Variants in LARGE1 observed in about 807,000 individuals in gnomAD.
LARGE1 encodes LARGE xylosyl- and glucuronyltransferase 1, also known as xylosyl- and glucuronyltransferase LARGE1.
Under a neutral mutation model 87.6 loss-of-function variants are expected in LARGE1, and 43 were observed. The ratio of observed to expected loss-of-function variants is 0.49; its 90% CI spans 0.38 to 0.63. The LOEUF is 0.63. Ranked by LOEUF, LARGE1 falls within the 30% of genes least tolerant of loss-of-function variation. The pLI, the probability that LARGE1 is intolerant of heterozygous loss-of-function variation, is 0.00. For missense variants in LARGE1, 802 were observed against 1,000.2 expected, an observed-to-expected ratio of 0.80 and a Z score of 2.67; for synonymous variants, 434 against 394.6, an observed-to-expected ratio of 1.10 and a Z score of -1.18.
intron 1 of LARGE1, among the ~76,000 whole-genome samples, chr22:33,883,178 A>G (rs921472673): frequency 2.6e-5 from 4 of 152,162 alleles, no homozygotes; most frequent in Non-Finnish European, 5.9e-5. Flanking sequence ...GCAAAGGGCC[A>G]TGCACACACC....
chr22:33,485,307 A>G (rs544915828), intron 6 of LARGE1, among the ~76,000 whole-genome samples: 3 of 146,988 alleles, frequency 2.0e-5, no homozygotes, highest in African/African-American at 7.6e-5. Flanking sequence ...TCTGCCTCCC[A>G]GGTTCAAATA....
At chr22:33,108,375 A>G in the LARGE1 span, among the ~76,000 whole-genome samples, 3 of 152,202 alleles carry the variant, frequency 2.0e-5, no homozygotes, top group African/African-American at 7.2e-5. Context: ...AAGTTAGTGG[A>G]GAGCTCTCCC....
At chr22:33,634,363 G>A (rs892575956) in intron 3 of LARGE1, among the ~76,000 whole-genome samples, 3 of 152,136 alleles carry the variant, frequency 2.0e-5, no homozygotes, top group Non-Finnish European at 2.9e-5. Context: ...TGCTGCTGCC[G>A]GCCCAGGGAC....
chr22:33,495,701 A>G (rs1244589764), intron 6 of LARGE1, among the ~76,000 whole-genome samples: 1 of 152,234 alleles, frequency 6.6e-6, no homozygotes, highest in African/African-American at 2.4e-5. Context: ...CCTGAGTCAG[A>G]GTGAGACTCT....
intron 6 of LARGE1, among the ~76,000 whole-genome samples, chr22:33,439,004 A>G (rs2067372688): frequency 6.6e-6 from 1 of 152,122 alleles, no homozygotes; most frequent in African/African-American, 2.4e-5. Context: ...TGAAGTCAGG[A>G]GTTCAAGACC....
intron 7 of LARGE1, among the ~76,000 whole-genome samples, chr22:33,418,082 G>A (rs1440918808): frequency 6.6e-6 from 1 of 152,106 alleles, no homozygotes; most frequent in African/African-American, 2.4e-5. Flanking sequence ...CAAGTAGCTG[G>A]GACTACAGGC....
Position 33,384,263 on chromosome 22 carries a change from A to AT in LARGE1, c.933dup (p.Trp312MetfsTer23). ...GCGGTCAGCCTCCACATCTGCTCCCATTTCATCTTCCGCAGCTTATCCAGA... is the reference window on the plus strand; with the variant it reads ...GCGGTCAGCCTCCACATCTGCTCCCATTTTCATCTTCCGCAGCTTATCCAGA... On this transcript the variant is annotated frameshift_variant, in exon 8 of 15. Coordinates refer to ENST00000397394, the MANE Select transcript of LARGE1 (RefSeq NM_133642.5). LOFTEE classifies it high-confidence loss of function. The AT allele has an allele frequency of 6.2e-7, 1 of 1,614,104 alleles. No homozygotes were observed. The highest frequency in any genetic ancestry group is 8.5e-7 in the Non-Finnish European group (1 of 1,180,022).
At chr22:33,695,108 C>CTTTTTTTT (rs71320988) in intron 2 of LARGE1, among the ~76,000 whole-genome samples, 1 of 140,090 alleles carries the variant, frequency 7.1e-6, no homozygotes. Context: ...TTCTTTCTTT[C>CTTTTTTTT]TTTTTTTTTT....
intron 1 of LARGE1, among the ~76,000 whole-genome samples, chr22:33,873,852 C>A (rs2064380788): frequency 6.6e-6 from 1 of 151,978 alleles, no homozygotes; most frequent in African/African-American, 2.4e-5. Context: ...AAGCCAAGTA[C>A]AAGTCACTGG....
intron 11 of LARGE1, among the ~76,000 whole-genome samples, chr22:33,182,261 C>A (rs1258481636): frequency 6.6e-6 from 1 of 152,118 alleles, no homozygotes. Flanking sequence ...TATTAGGGTT[C>A]TACAGTCCCA....
At chr22:33,649,814 C>A (rs1034876957) in intron 3 of LARGE1, among the ~76,000 whole-genome samples, 1 of 152,234 alleles carries the variant, frequency 6.6e-6, no homozygotes, top group African/African-American at 2.4e-5. Context: ...AAATATCCCA[C>A]ATTTCCAAAG....
chr22:33,290,762 G>C (rs988377511), intron 12 of LARGE1, among the ~76,000 whole-genome samples: 6 of 152,190 alleles, frequency 3.9e-5, no homozygotes, highest in African/African-American at 1.4e-4. Context: ...TTCCCAGCTA[G>C]GCGCGGTGGC....
intron 5 of LARGE1, among the ~76,000 whole-genome samples, chr22:33,584,403 T>A (rs1340738791): frequency 1.3e-5 from 2 of 152,314 alleles, no homozygotes; most frequent in East Asian, 3.9e-4. Context: ...TTCCCCTTTT[T>A]CTGTGAAGTC....
chr22:33,864,091 A>G (rs2064015194), intron 1 of LARGE1, among the ~76,000 whole-genome samples: 1 of 152,158 alleles, frequency 6.6e-6, no homozygotes, highest in South Asian at 2.1e-4. Context: ...AATGGTTTGT[A>G]CAGAACCTAC....
intron 2 of LARGE1, among the ~76,000 whole-genome samples, chr22:33,666,275 A>G (rs2149249483): frequency 6.6e-6 from 1 of 152,362 alleles, no homozygotes; most frequent in South Asian, 2.1e-4. Flanking sequence ...AGGCTGATAA[A>G]GCAGCCCAAG....
At chr22:33,229,408 G>GGGAGT (rs1343830114) in intron 11 of LARGE1, among the ~76,000 whole-genome samples, 1 of 151,414 alleles carries the variant, frequency 6.6e-6, no homozygotes, top group Non-Finnish European at 1.5e-5. Flanking sequence ...GAGACAAAAA[G>GGGAGT]ACAAAACAGA....
At chr22:33,472,320 AAG>A (rs1325553518) in intron 6 of LARGE1, among the ~76,000 whole-genome samples, 1 of 152,216 alleles carries the variant, frequency 6.6e-6, no homozygotes, top group Admixed American at 6.5e-5. Flanking sequence ...GAAGGAGACA[AAG>A]AGAGAGACAG....
chr22:33,543,361 T>A (rs1375455731), intron 6 of LARGE1, among the ~76,000 whole-genome samples: 2 of 152,194 alleles, frequency 1.3e-5, no homozygotes, highest in African/African-American at 4.8e-5. Flanking sequence ...GTCACTTTCA[T>A]GGATAAATAG....
the LARGE1 span, among the ~76,000 whole-genome samples, chr22:33,069,409 G>A: frequency 2.6e-5 from 4 of 152,068 alleles, no homozygotes; most frequent in Admixed American, 6.6e-5. Flanking sequence ...AGGAAAGTTC[G>A]GTAAATGTTG....
Sources: allele counts gnomAD v4.1 joint callset (sites outside exome capture counted in the v4.1 genomes callset), GRCh38; gene constraint gnomAD v4.1.1; transcripts MANE v1.5; gene names NCBI Gene and HGNC (gene_info 2026-07-23, HGNC 2026-07-21).